The following DYNAP variants were observed in gnomAD, a reference collection of about 807,000 sequenced individuals.
DYNAP encodes dynactin-associated protein.
A neutral mutation model predicts 8.5 loss-of-function variants in DYNAP; 7 were observed. The ratio of observed to expected loss-of-function variants is 0.82; its 90% CI spans 0.47 to 1.54. The LOEUF (loss-of-function observed/expected upper bound fraction) is 1.54, where lower values mean the gene tolerates loss of function less well. Ranked by LOEUF, DYNAP falls within the 40% of genes most tolerant of loss-of-function variation. The pLI, the probability that DYNAP is intolerant of heterozygous loss-of-function variation, is 0.01. For synonymous variants in DYNAP, 77 were observed against 77.9 expected (o/e 0.99, Z 0.06); for missense variants, 256 against 224.3 (o/e 1.14, Z -0.90).
At chr18:54,583,836 T>C (rs1653087245), upstream of DYNAP, among the ~76,000 whole-genome samples, 1 of 152,156 alleles carries the variant, frequency 6.6e-6, no homozygotes, top group African/African-American at 2.4e-5. Context: ...CTTTTGACTG[T>C]GTAATCCCAC....
chr18:54,578,758 G>T, the DYNAP span, among the ~76,000 whole-genome samples: 1 of 151,914 alleles, frequency 6.6e-6, no homozygotes, highest in Non-Finnish European at 1.5e-5. Context: ...TAATTTTAAT[G>T]GTTCAGGAAA....
chr18:54,578,873 C>A, the DYNAP span, among the ~76,000 whole-genome samples: 1 of 152,046 alleles, frequency 6.6e-6, no homozygotes, highest in African/African-American at 2.4e-5. Flanking sequence ...AATCTTGGCT[C>A]ACTGCAACCT....
chr18:54,595,586 C>T (rs531408374), intron 2 of DYNAP, among the ~76,000 whole-genome samples: 1 of 152,178 alleles, frequency 6.6e-6, no homozygotes, highest in East Asian at 1.9e-4. Flanking sequence ...TGGGTTCTGG[C>T]CTCTGGTGTA....
chr18:54,595,808 A>G (rs1385314663), intron 2 of DYNAP, among the ~76,000 whole-genome samples: 3 of 152,140 alleles, frequency 2.0e-5, no homozygotes, highest in East Asian at 1.9e-4. Flanking sequence ...TTGATTCCCC[A>G]GACTCTGGAA....
chr18:54,576,337 T>C, the DYNAP span, among the ~76,000 whole-genome samples: 2 of 152,136 alleles, frequency 1.3e-5, no homozygotes, highest in African/African-American at 4.8e-5. Context: ...ACCAAAGCAA[T>C]TGTATCATTT....
intron 1 of DYNAP, 47 bp from the exon 2 acceptor site, chr18:54,594,892 A>G (rs1484549811): frequency 1.9e-6 from 3 of 1,564,598 alleles, no homozygotes; most frequent in Non-Finnish European, 2.6e-6. Context: ...GCAACTCAAC[A>G]CCATGGTTTC....
chr18:54,577,393 C>G, the DYNAP span, among the ~76,000 whole-genome samples: 1 of 151,808 alleles, frequency 6.6e-6, no homozygotes, highest in Non-Finnish European at 1.5e-5. Flanking sequence ...TTGAGACTAG[C>G]CTGGGCAACA....
chr18:54,589,056 T>C (rs191264245), upstream of DYNAP, among the ~76,000 whole-genome samples: 60 of 152,330 alleles, frequency 3.9e-4, 1 homozygote, highest in African/African-American at 1.2e-3. Context: ...GCTCTCAGTT[T>C]ATCAGTAGAC....
At chr18:54,578,316 T>C in the DYNAP span, among the ~76,000 whole-genome samples, 1 of 152,206 alleles carries the variant, frequency 6.6e-6, no homozygotes, top group Non-Finnish European at 1.5e-5. Flanking sequence ...CAATAGCTCT[T>C]AGGGGCAGGA....
At position 54,591,322 on chromosome 18, in the gene DYNAP, C is replaced by G. The variant is rs757030914; in HGVS notation, c.40C>G (p.His14Asp). The change falls in exon 1 of 3, where the codon CAC becomes GAC. Residue 14 changes from histidine to aspartate, a missense_variant. His to Asp is a moderately conservative substitution (Grantham distance 81). Transcript: ENST00000648945. ...TGGAAAATACATATTGAACGTTGAG[C>G]ACTCTGAAAACCAGCCGGTGAGTGT... ...KHGKYILNVE[H>D]SENQPPITHP... 6.2e-7 allele frequency: 1 copy of G among 1,608,448 alleles called. No homozygotes were observed. Among genetic ancestry groups the G allele is most frequent in the Admixed American group, 1.7e-5 (1 of 59,416 alleles).
chr18:54,597,845 G>T lies in DYNAP; in HGVS notation c.255G>T (p.Met85Ile). 6.2e-7 allele frequency: 1 copy of T among 1,612,508 alleles called. No individual in the cohort carries two copies. Among genetic ancestry groups the T allele is most frequent in the Non-Finnish European group, 8.5e-7 (1 of 1,178,884 alleles). ...AATATTGCCGCAATGACTGGTCTATGTGGAAAGTCTTCCTGGCTTGTCTCT... is the reference window on the plus strand; with the variant it reads ...AATATTGCCGCAATGACTGGTCTATTTGGAAAGTCTTCCTGGCTTGTCTCT... ...VKEYCRNDWSMWKVFLACLLA... is the reference protein window; with the variant it reads ...VKEYCRNDWSIWKVFLACLLA... The change falls in exon 3 of 3, where the codon ATG becomes ATT. Residue 85 changes from methionine to isoleucine, a missense_variant. Met to Ile is a conservative substitution (Grantham distance 10). Transcript: ENST00000648945.
chr18:54,589,421 G>A (rs1233651146), upstream of DYNAP, among the ~76,000 whole-genome samples: 1 of 152,166 alleles, frequency 6.6e-6, no homozygotes, highest in Non-Finnish European at 1.5e-5. Flanking sequence ...TTAAGGTTTA[G>A]ATTGAGGCAT....
chr18:54,588,187 C>G (rs1322186787), upstream of DYNAP, among the ~76,000 whole-genome samples: 1 of 150,930 alleles, frequency 6.6e-6, no homozygotes, highest in Non-Finnish European at 1.5e-5. Flanking sequence ...ATTAGGCACT[C>G]AATAAACAGT....
chr18:54,587,643 A>T (rs1910925672), upstream of DYNAP: 1 of 375,640 alleles, frequency 2.7e-6, no homozygotes, highest in African/African-American at 2.1e-5. Flanking sequence ...ATTTATGCCA[A>T]ACATACAAAT....
chr18:54,588,487 G>C (rs1191435482), upstream of DYNAP, among the ~76,000 whole-genome samples: 1 of 152,092 alleles, frequency 6.6e-6, no homozygotes, highest in African/African-American at 2.4e-5. Flanking sequence ...TTACAGGTGT[G>C]AGCCACCGCG....
At chr18:54,578,054 C>A in the DYNAP span, among the ~76,000 whole-genome samples, 3 of 152,014 alleles carry the variant, frequency 2.0e-5, no homozygotes, top group African/African-American at 7.3e-5. Context: ...TCGGGACAGA[C>A]TGAGTCAAGG....
the DYNAP span, among the ~76,000 whole-genome samples, chr18:54,582,493 G>A: frequency 0.47 from 71,410 of 152,030 alleles, 17,866 homozygotes; most frequent in East Asian, 0.68. Context: ...TTAGTCAGTG[G>A]TCAATATGTA....
chr18:54,577,569 C>T, the DYNAP span, among the ~76,000 whole-genome samples: 2 of 141,474 alleles, frequency 1.4e-5, no homozygotes, highest in South Asian at 4.5e-4. Flanking sequence ...CAGTGTAAGA[C>T]CTTATCTAAA....
At chr18:54,586,157 A>C (rs913430778), upstream of DYNAP, among the ~76,000 whole-genome samples, 1 of 152,170 alleles carries the variant, frequency 6.6e-6, no homozygotes, top group South Asian at 2.1e-4. Flanking sequence ...TAAGCAGTCT[A>C]TCTGCCACAA....
Sources: gnomAD v4.1 joint callset for allele counts (sites outside exome capture counted in the v4.1 genomes callset) on GRCh38, gnomAD v4.1.1 for gene constraint, MANE v1.5 for transcripts, NCBI Gene and HGNC (gene_info 2026-07-23, HGNC 2026-07-21) for gene names.